PTPRT: variants seen among roughly 807,000 people sequenced by gnomAD.
The protein encoded by PTPRT is protein tyrosine phosphatase receptor type T.
In PTPRT, 56 loss-of-function variants were observed where a neutral mutation model predicts 176.8. The observed-to-expected ratio is 0.32, with a 90% CI of 0.26 to 0.40. The LOEUF is 0.40. Ranked by LOEUF, PTPRT falls within the 10% of genes least tolerant of loss-of-function variation. The pLI is 1.00. For synonymous variants in PTPRT, 783 were observed against 739.0 expected (o/e 1.06, Z -0.96); for missense variants, 1,540 against 1,908.2 (o/e 0.81, Z 3.60).
intron 1 of PTPRT, among the ~76,000 whole-genome samples, chr20:42,994,467 G>A (rs1464095650): frequency 6.6e-6 from 1 of 151,366 alleles, no homozygotes; most frequent in Non-Finnish European, 1.5e-5. Context: ...CCAAAGGTGA[G>A]TACCAAATGA....
intron 18 of PTPRT, among the ~76,000 whole-genome samples, chr20:42,132,643 C>T (rs1376947072): frequency 6.6e-6 from 1 of 152,128 alleles, no homozygotes; most frequent in Admixed American, 6.5e-5. Flanking sequence ...TTAGGATGGC[C>T]AAAATCCAAA....
chr20:42,716,838 A>G (rs2076230912), intron 6 of PTPRT, among the ~76,000 whole-genome samples: 1 of 152,214 alleles, frequency 6.6e-6, no homozygotes, highest in Non-Finnish European at 1.5e-5. Flanking sequence ...CATATACACC[A>G]TGGAATACTA....
chr20:42,984,070 A>G (rs1983427191), intron 1 of PTPRT, among the ~76,000 whole-genome samples: 1 of 152,244 alleles, frequency 6.6e-6, no homozygotes, highest in Non-Finnish European at 1.5e-5. Context: ...GGACAGGTAC[A>G]CTCAGCTGCA....
chr20:43,029,104 G>A (rs1986035081), intron 1 of PTPRT, among the ~76,000 whole-genome samples: 1 of 152,156 alleles, frequency 6.6e-6, no homozygotes, highest in Non-Finnish European at 1.5e-5. Context: ...CTAACCATGA[G>A]ATCTATCTTG....
intron 2 of PTPRT, among the ~76,000 whole-genome samples, chr20:42,824,883 C>A (rs1323773441): frequency 6.6e-6 from 1 of 151,694 alleles, no homozygotes; most frequent in African/African-American, 2.4e-5. Flanking sequence ...AGAATAATAT[C>A]CTTTCTCCAT....
chr20:42,099,376 C>T (rs932974493), intron 26 of PTPRT, among the ~76,000 whole-genome samples: 3 of 152,048 alleles, frequency 2.0e-5, no homozygotes, highest in Admixed American at 6.6e-5. Context: ...AAACAAGAGC[C>T]GGAACGTAAG....
intron 7 of PTPRT, among the ~76,000 whole-genome samples, chr20:42,488,692 C>T (rs1466542170): frequency 6.7e-6 from 1 of 148,680 alleles, no homozygotes; most frequent in African/African-American, 2.6e-5. Flanking sequence ...GTGCCAGGCG[C>T]AGTGGCTCAT....
At chr20:42,665,575 C>G (rs182618811) in intron 7 of PTPRT, among the ~76,000 whole-genome samples, 106 of 152,242 alleles carry the variant, frequency 7.0e-4, no homozygotes, top group African/African-American at 2.1e-3. Flanking sequence ...CCATTTGACC[C>G]AGCCATCCAA....
chr20:42,686,453 C>A (rs922954113), intron 6 of PTPRT: 1 of 120,254 alleles, frequency 8.3e-6, no homozygotes, highest in African/African-American at 3.0e-5. Context: ...GCTCATAGTG[C>A]ACTCTTTTTT....
At chr20:42,556,540 C>T (rs1276107990) in intron 7 of PTPRT, among the ~76,000 whole-genome samples, 2 of 96,102 alleles carry the variant, frequency 2.1e-5, no homozygotes, top group East Asian at 3.0e-4. Flanking sequence ...AGCATCAATT[C>T]GCTATCCCTA....
At chr20:42,855,493 A>ACAATCTCG (rs1445745719) in intron 2 of PTPRT, among the ~76,000 whole-genome samples, 1 of 131,006 alleles carries the variant, frequency 7.6e-6, no homozygotes, top group Non-Finnish European at 1.5e-5. Context: ...GTGCTGTGGT[A>ACAATCTCG]CAATCTCGGC....
At chr20:42,574,017 G>A (rs1419670568) in intron 7 of PTPRT, among the ~76,000 whole-genome samples, 1 of 152,066 alleles carries the variant, frequency 6.6e-6, no homozygotes, top group Admixed American at 6.5e-5. Context: ...AAAGTGCTGG[G>A]ATTACAGGCG....
intron 29 of PTPRT, among the ~76,000 whole-genome samples, chr20:42,083,141 G>T (rs1412028925): frequency 4.6e-5 from 3 of 64,628 alleles, no homozygotes; most frequent in Admixed American, 1.5e-4. Context: ...AAAAAAGCAG[G>T]CTAAAAAACA....
At chr20:42,484,540 T>C (rs1445753654) in intron 7 of PTPRT, among the ~76,000 whole-genome samples, 3 of 152,162 alleles carry the variant, frequency 2.0e-5, no homozygotes, top group African/African-American at 7.2e-5. Flanking sequence ...TGCCAAGATA[T>C]GACATCAGAA....
intron 1 of PTPRT, among the ~76,000 whole-genome samples, chr20:43,029,443 A>G (rs1303308791): frequency 1.3e-5 from 2 of 152,236 alleles, no homozygotes; most frequent in African/African-American, 4.8e-5. Context: ...AGCTTCCAGA[A>G]ACAAATCAGA....
chr20:42,298,484 T>C (rs950478335), intron 12 of PTPRT, among the ~76,000 whole-genome samples: 8 of 152,190 alleles, frequency 5.3e-5, no homozygotes, highest in South Asian at 2.1e-4. Flanking sequence ...ATTCCTCTTC[T>C]AGGAATTCAC....
intron 1 of PTPRT, among the ~76,000 whole-genome samples, chr20:43,059,745 G>A (rs1197032718): frequency 6.6e-6 from 1 of 152,186 alleles, no homozygotes; most frequent in Admixed American, 6.5e-5. Flanking sequence ...TTGGGAGACT[G>A]AGGTGGGCAG....
intron 2 of PTPRT, among the ~76,000 whole-genome samples, chr20:42,874,181 G>C (rs976721856): frequency 1.3e-5 from 2 of 152,084 alleles, no homozygotes; most frequent in Admixed American, 6.6e-5. Context: ...CCTGGGAGTG[G>C]CTAAAGTTGA....
At chr20:43,000,049 G>C (rs1984461923) in intron 1 of PTPRT, among the ~76,000 whole-genome samples, 1 of 126,472 alleles carries the variant, frequency 7.9e-6, no homozygotes, top group South Asian at 3.0e-4. Flanking sequence ...AATGGAGGAA[G>C]GGAAGAAGGG....
Sources: gnomAD v4.1 joint callset for allele counts (sites outside exome capture counted in the v4.1 genomes callset) on GRCh38, gnomAD v4.1.1 for gene constraint, MANE v1.5 for transcripts, NCBI Gene and HGNC (gene_info 2026-07-23, HGNC 2026-07-21) for gene names.